Variants in ADAMTS12 observed in about 807,000 individuals in gnomAD.
ADAMTS12 encodes the protein ADAM metallopeptidase with thrombospondin type 1 motif 12, also known as A disintegrin and metalloproteinase with thrombospondin motifs 12.
Under a neutral mutation model 167.8 loss-of-function variants are expected in ADAMTS12, and 118 were observed. The observed-to-expected ratio is 0.70, with a 90% CI of 0.61 to 0.82. The LOEUF (loss-of-function observed/expected upper bound fraction) is 0.82, where lower values mean the gene tolerates loss of function less well. Among genes scored for constraint, ADAMTS12 ranks in the 40% least tolerant of loss-of-function variants. ADAMTS12 has a pLI of 0.00. For missense variants in ADAMTS12, 1,916 were observed against 1,998.8 expected, an observed-to-expected ratio of 0.96 and a Z score of 0.79; for synonymous variants, 704 against 716.9, an observed-to-expected ratio of 0.98 and a Z score of 0.29.
chr5:33,577,587 T>A (rs1350119576), intron 18 of ADAMTS12, among the ~76,000 whole-genome samples: 1 of 152,214 alleles, frequency 6.6e-6, no homozygotes, highest in Non-Finnish European at 1.5e-5. Flanking sequence ...AAATTCGGTA[T>A]AAGGAACCTT....
At chr5:33,655,620 G>A (rs56019164) in intron 7 of ADAMTS12, among the ~76,000 whole-genome samples, 72,450 of 131,486 alleles carry the variant, frequency 0.55, 19,603 homozygotes, top group East Asian at 0.68. Context: ...TTTTTTTTTA[G>A]TTTTATTTAT....
chr5:33,598,876 T>G (rs1187397185), intron 16 of ADAMTS12, among the ~76,000 whole-genome samples: 1 of 152,188 alleles, frequency 6.6e-6, no homozygotes, highest in Non-Finnish European at 1.5e-5. Flanking sequence ...GCAGAAGTGA[T>G]GCTGTGTGAC....
At chr5:33,790,810 T>TAC (rs1746534594) in intron 2 of ADAMTS12, among the ~76,000 whole-genome samples, 2 of 141,926 alleles carry the variant, frequency 1.4e-5, no homozygotes, top group African/African-American at 5.1e-5. Context: ...TATATATATA[T>TAC]GCATGTTGAT....
intron 2 of ADAMTS12, among the ~76,000 whole-genome samples, chr5:33,800,409 C>A (rs1258432640): frequency 6.6e-6 from 1 of 152,134 alleles, no homozygotes; most frequent in Admixed American, 6.5e-5. Context: ...GGAGTCACTG[C>A]GGATATGTGG....
chr5:33,609,388 G>A (rs1266033133), intron 16 of ADAMTS12, among the ~76,000 whole-genome samples: 1 of 108,412 alleles, frequency 9.2e-6, no homozygotes, highest in Non-Finnish European at 2.0e-5. Flanking sequence ...TTTTTTTTTT[G>A]GAGAGAGGTT....
intron 5 of ADAMTS12, among the ~76,000 whole-genome samples, chr5:33,669,361 C>T (rs1053571003): frequency 2.6e-5 from 4 of 152,034 alleles, no homozygotes; most frequent in Non-Finnish European, 5.9e-5. Flanking sequence ...AGGATGTTGC[C>T]CATGGGGATG....
At chr5:33,826,929 T>C (rs936061301) in intron 2 of ADAMTS12, among the ~76,000 whole-genome samples, 11 of 152,064 alleles carry the variant, frequency 7.2e-5, no homozygotes, top group South Asian at 2.1e-4. Flanking sequence ...AAATACCAAA[T>C]TGGAGTCTAT....
rs1740797972 is a variant in ADAMTS12, at chr5:33,649,541, C to T, written c.1334+13G>A. 4 of 1,612,520 alleles carry T rather than the reference C, an allele frequency of 2.5e-6. No homozygotes were observed. Among genetic ancestry groups the T allele is most frequent in the Non-Finnish European group, 3.4e-6 (4 of 1,179,184 alleles). ...AGACCCAGGTGAGGGCGTCATGAGA[C>T]ACTGTCACTTACTCCAAGAAGCGGG... On this transcript the variant is annotated intron_variant, in intron 8 of 23. Transcript: ENST00000504830.
intron 2 of ADAMTS12, among the ~76,000 whole-genome samples, chr5:33,764,250 T>C (rs1745455631): frequency 6.6e-6 from 1 of 152,242 alleles, no homozygotes; most frequent in Admixed American, 6.5e-5. Context: ...CTTTATGGCA[T>C]GATGAAAAAT....
intron 12 of ADAMTS12, among the ~76,000 whole-genome samples, chr5:33,635,136 A>G (rs931326906): frequency 3.9e-5 from 6 of 152,188 alleles, no homozygotes; most frequent in African/African-American, 1.2e-4. Flanking sequence ...TTAGAATCAC[A>G]ACTTAAATTA....
chr5:33,695,055 G>C (rs1742704414), intron 3 of ADAMTS12, among the ~76,000 whole-genome samples: 2 of 152,228 alleles, frequency 1.3e-5, no homozygotes, highest in East Asian at 3.9e-4. Context: ...TAATATAATT[G>C]CTTGAAGAAA....
At chr5:33,669,663 A>G (rs1741599685) in intron 5 of ADAMTS12, among the ~76,000 whole-genome samples, 2 of 152,142 alleles carry the variant, frequency 1.3e-5, no homozygotes, top group Non-Finnish European at 2.9e-5. Flanking sequence ...ATTAAAAAAA[A>G]GGCAAAAGTC....
intron 20 of ADAMTS12, among the ~76,000 whole-genome samples, chr5:33,555,837 TG>T (rs1745465987): frequency 1.3e-5 from 2 of 152,184 alleles, no homozygotes; most frequent in Non-Finnish European, 2.9e-5. Context: ...GTCAGACACG[TG>T]GCAGTACTAC....
chr5:33,743,090 G>T (rs934448405), intron 3 of ADAMTS12, among the ~76,000 whole-genome samples: 3 of 152,206 alleles, frequency 2.0e-5, no homozygotes, highest in Admixed American at 2.0e-4. Context: ...TTTGGGAGAG[G>T]AGTGTTCCAG....
chr5:33,636,667 A>C (rs889223627), intron 12 of ADAMTS12, among the ~76,000 whole-genome samples: 5 of 152,236 alleles, frequency 3.3e-5, no homozygotes, highest in Non-Finnish European at 5.9e-5. Flanking sequence ...CCCTATTCAC[A>C]ATGGATTTTC....
At chr5:33,796,721 T>G (rs1746791508) in intron 2 of ADAMTS12, among the ~76,000 whole-genome samples, 1 of 152,178 alleles carries the variant, frequency 6.6e-6, no homozygotes, top group African/African-American at 2.4e-5. Flanking sequence ...AGTATATATG[T>G]GCTGAGATCA....
At position 33,534,851 on chromosome 5, in the gene ADAMTS12, C is replaced by T. The variant is rs1261066453; in HGVS notation, c.4588G>A (p.Ala1530Thr). Residue 1530 changes from alanine (A) to threonine (T), a missense_variant, in exon 23 of 24, where the codon GCC becomes ACC. Transcript: ENST00000504830. ...CACCCACCGGCACTTTTCTTGCAGG[C>T]CTGCTGGTTGCATTTTTTGAATTCT... ...PPEFKKCNQQACKKSADLLCT... is the reference protein window; with the variant it reads ...PPEFKKCNQQTCKKSADLLCT... The T allele has an allele frequency of 3.1e-6, 5 of 1,613,570 alleles. No individual in the cohort carries two copies. In the South Asian group the frequency reaches 4.4e-5, roughly 14 times the overall value.
intron 11 of ADAMTS12, among the ~76,000 whole-genome samples, chr5:33,640,854 C>A (rs1266914125): frequency 6.8e-6 from 1 of 148,132 alleles, no homozygotes; most frequent in Non-Finnish European, 1.5e-5. Context: ...TGTATACATG[C>A]ATATATATTC....
intron 6 of ADAMTS12, 71 bp downstream of exon 6, chr5:33,661,845 C>A (rs769725580): frequency 1.2e-4 from 186 of 1,596,254 alleles, no homozygotes; most frequent in Non-Finnish European, 1.5e-4. Context: ...GGTTTGAACA[C>A]CTGGTAAGCC....
Sources: allele counts gnomAD v4.1 joint callset (sites outside exome capture counted in the v4.1 genomes callset), GRCh38; gene constraint gnomAD v4.1.1; transcripts MANE v1.5; gene names NCBI Gene and HGNC (gene_info 2026-07-23, HGNC 2026-07-21).